The following MFAP2 variants were observed in gnomAD, a reference collection of about 807,000 sequenced individuals.
The protein encoded by MFAP2 is microfibrillar-associated protein 2.
A neutral mutation model predicts 30.6 loss-of-function variants in MFAP2; 23 were observed. That is an observed-to-expected ratio of 0.75 (90% CI 0.54 to 1.07). The LOEUF (loss-of-function observed/expected upper bound fraction) is 1.07. MFAP2 is among the 50% of genes least tolerant of loss of function. The pLI is 0.00. For synonymous variants in MFAP2, 73 were observed against 85.7 expected (o/e 0.85, Z 0.82); for missense variants, 198 against 223.8 (o/e 0.88, Z 0.74).
At chr1:16,981,498 C>CACCCGTGAAT (rs1553163355), upstream of MFAP2, among the ~76,000 whole-genome samples, 1 of 152,236 alleles carries the variant, frequency 6.6e-6, no homozygotes, top group Non-Finnish European at 1.5e-5. Context: ...ATCCAGCACC[C>CACCCGTGAAT]ACCCGTGAAT....
In MFAP2 at chr1:16,976,385, T is replaced by A; in HGVS notation, c.286+116A>T. 7.4e-7 allele frequency: 1 copy of A among 1,359,974 alleles called. No individual in the cohort carries two copies. Among genetic ancestry groups the A allele is most frequent in the Non-Finnish European group, 1.0e-6 (1 of 952,476 alleles). The allele number at this position is 1,359,974 out of a possible 1,614,324, so 84.2% of individuals were successfully genotyped here. A position where few individuals can be genotyped will look rare whatever the true frequency, so the allele number is the denominator to read the frequency against. On this transcript the variant is annotated intron_variant, in intron 6 of 8. Coordinates refer to ENST00000375535, the MANE Select transcript of MFAP2 (RefSeq NM_002403.4). The surrounding 1 kb of genome is among the most constrained non-coding windows in gnomAD (Gnocchi z 5.5). ...CCTACGGCAGTCATACTGCCCACAC[T>A]GCCAAGAGCCCACATGGGCAAGGGC...
Position 16,976,023 on chromosome 1 carries a change from C to G in MFAP2, c.287-293G>C. On this transcript the variant is annotated intron_variant, in intron 6 of 8. Transcript: ENST00000375535. The surrounding 1 kb of genome is among the most constrained non-coding windows in gnomAD (Gnocchi z 5.5). The stretch of plus-strand genomic sequence containing the variant: ...CCATACCAACTCCCGAGCAGACGTG[C>G]CCACGCTCACAGAAGCCCACATAGG... 2.1e-6 allele frequency: 1 copy of G among 479,056 alleles called. No individual in the cohort carries two copies. Among genetic ancestry groups the G allele is most frequent in the Non-Finnish European group, 3.8e-6 (1 of 265,152 alleles). 29.7% of individuals were successfully genotyped at this position (479,056 alleles called of 1,614,324 possible).
chr1:16,975,901 G>A lies in MFAP2; in HGVS notation c.287-171C>T, dbSNP rs572335180. On this transcript the variant is annotated intron_variant, in intron 6 of 8. Transcript: ENST00000375535. The surrounding 1 kb of genome is among the most constrained non-coding windows in gnomAD (Gnocchi z 5.0). Reference sequence around the variant, plus strand: ...CCACGCAGCATTGTCAGACTTCCCAGGGCTGTAATATTCACGTATCAATTC... The same window carrying A: ...CCACGCAGCATTGTCAGACTTCCCAAGGCTGTAATATTCACGTATCAATTC... 3.9e-5 allele frequency among the ~76,000 whole-genome samples: 6 copies of A among 152,144 alleles called. No individual in the cohort carries two copies. The East Asian group carries it at 1.2e-3, about 29-fold the overall frequency.
chr1:16,976,115 T>C lies in MFAP2; in HGVS notation c.287-385A>G, dbSNP rs913885622. The stretch of plus-strand genomic sequence containing the variant: ...TCCTGCACACACACACCTTGTTCTT[T>C]CAAGCTCTCAGCTAGGGCAGCCGGA... On this transcript the variant is annotated intron_variant, in intron 6 of 8. Coordinates refer to ENST00000375535, the MANE Select transcript of MFAP2 (RefSeq NM_002403.4). This position sits in a 1 kb window ranked among gnomAD's most constrained non-coding sequence, Gnocchi z 5.5. 8 of 473,230 alleles carry C rather than the reference T, an allele frequency of 1.7e-5. No homozygotes were observed. The highest frequency in any genetic ancestry group is 1.2e-4 in the African/African-American group (6 of 51,228). 29.3% of individuals were successfully genotyped at this position (473,230 alleles called of 1,614,324 possible).
Position 16,975,784 on chromosome 1 carries a change from C to T in MFAP2, c.287-54G>A, listed in dbSNP as rs1461408123. ...CCCAGAGTGGGGGGCGGCCCCCAGC[C>T]TCACCCACCTGAGGCTGGCTCACAG... On this transcript the variant is annotated intron_variant, in intron 6 of 8. Coordinates refer to ENST00000375535, the MANE Select transcript of MFAP2 (RefSeq NM_002403.4). This position sits in a 1 kb window ranked among gnomAD's most constrained non-coding sequence, Gnocchi z 5.0. The T allele has an allele frequency of 1.1e-5, 17 of 1,519,746 alleles. No homozygotes were observed. The highest frequency in any genetic ancestry group is 6.9e-5 in the South Asian group (6 of 86,938). The allele number at this position is 1,519,746 out of a possible 1,614,324, so 94.1% of individuals were successfully genotyped here.
chr1:16,980,287 C>T (rs1393409444), intron 1 of MFAP2, among the ~76,000 whole-genome samples: 3 of 143,928 alleles, frequency 2.1e-5, no homozygotes, highest in Non-Finnish European at 4.6e-5. Flanking sequence ...CCCACCCCAC[C>T]CGCCACATTC....
Position 16,976,358 on chromosome 1 carries a change from A to G in MFAP2, c.286+143T>C, listed in dbSNP as rs772501295. The G allele has an allele frequency of 7.6e-6, 8 of 1,053,208 alleles. No individual in the cohort carries two copies. Among genetic ancestry groups the G allele is most frequent in the Non-Finnish European group, 1.2e-5 (8 of 689,758 alleles). 65.2% of individuals were successfully genotyped at this position (1,053,208 alleles called of 1,614,324 possible). ...GCTGCCTGGGGGGCCTGGTGATGCC[A>G]GCCTACGGCAGTCATACTGCCCACA... On this transcript the variant is annotated intron_variant, in intron 6 of 8. Coordinates refer to ENST00000375535, the MANE Select transcript of MFAP2 (RefSeq NM_002403.4). This position sits in a 1 kb window ranked among gnomAD's most constrained non-coding sequence, Gnocchi z 5.5.
Position 16,975,576 on chromosome 1 carries a change from C to T in MFAP2, c.374+67G>A. The T allele has an allele frequency of 6.7e-7, 1 of 1,502,678 alleles. No individual in the cohort carries two copies. The highest frequency in any genetic ancestry group is 1.4e-5 in the African/African-American group (1 of 72,510). 93.1% of individuals were successfully genotyped at this position (1,502,678 alleles called of 1,614,324 possible). On this transcript the variant is annotated intron_variant, in intron 7 of 8. Transcript: ENST00000375535. The surrounding 1 kb of genome is among the most constrained non-coding windows in gnomAD (Gnocchi z 5.0). ...CAACTCCCACCTTGGCGGGCCAGAG[C>T]TGTCCCCTGTGCCCTCTAGCCCCCC...
In MFAP2 at chr1:16,976,417, C is replaced by A; in HGVS notation, c.286+84G>T. The A allele has an allele frequency of 6.4e-7, 1 of 1,562,658 alleles. No individual in the cohort carries two copies. The highest frequency in any genetic ancestry group is 8.8e-7 in the Non-Finnish European group (1 of 1,133,496). ...AGCCCACATGGGCAAGGGCCAAAGACCTCCAGCCCACCAGCACCACCCCCT... is the reference window on the plus strand; with the variant it reads ...AGCCCACATGGGCAAGGGCCAAAGAACTCCAGCCCACCAGCACCACCCCCT... On this transcript the variant is annotated intron_variant, in intron 6 of 8. Transcript: ENST00000375535. This position sits in a 1 kb window ranked among gnomAD's most constrained non-coding sequence, Gnocchi z 5.5.
intron 2 of MFAP2, chr1:16,977,766 CTGAA>C: frequency 5.7e-6 from 1 of 174,222 alleles, no homozygotes; most frequent in Non-Finnish European, 1.2e-5. Flanking sequence ...CACATCGCTG[CTGAA>C]TGAATGAATG....
intron 1 of MFAP2, among the ~76,000 whole-genome samples, chr1:16,980,267 A>ACACCCC (rs1557656639): frequency 1.2e-4 from 10 of 80,296 alleles, no homozygotes; most frequent in Non-Finnish European, 1.8e-4. Context: ...TTCCCACCGG[A>ACACCCC]CCCCCCCCCC....
upstream of MFAP2, chr1:16,980,676 G>C (rs2076632405): frequency 6.6e-6 from 1 of 152,230 alleles, no homozygotes; most frequent in African/African-American, 2.4e-5. Context: ...CCCCCGACGG[G>C]GCTGGCGCCC....
In MFAP2 at chr1:16,975,746, G is replaced by A. The variant is rs1247311405; in HGVS notation, c.287-16C>T. ...TCACGGCAGTCTGGTGACAGGTGGG[G>A]TCAGACTAGGAGCCCAGAGTGGGGG... On this transcript the variant is annotated splice_polypyrimidine_tract_variant and intron_variant, in intron 6 of 8. Coordinates refer to ENST00000375535, the MANE Select transcript of MFAP2 (RefSeq NM_002403.4). The surrounding 1 kb of genome is among the most constrained non-coding windows in gnomAD (Gnocchi z 5.0). The A allele has an allele frequency of 1.9e-6, 3 of 1,610,204 alleles. No individual in the cohort carries two copies. The highest frequency in any genetic ancestry group is 2.5e-6 in the Non-Finnish European group (3 of 1,177,570).
rs2076577902 is a variant in MFAP2, at chr1:16,975,142, T to G, written c.449-119A>C. 7.8e-7 allele frequency: 1 copy of G among 1,281,838 alleles called. No homozygotes were observed. Among genetic ancestry groups the G allele is most frequent in the Non-Finnish European group, 1.1e-6 (1 of 902,042 alleles). The allele number at this position is 1,281,838 out of a possible 1,614,324, so 79.4% of individuals were successfully genotyped here. A position where few individuals can be genotyped will look rare whatever the true frequency, so the allele number is the denominator to read the frequency against. On this transcript the variant is annotated intron_variant, in intron 8 of 8. Coordinates refer to ENST00000375535, the MANE Select transcript of MFAP2 (RefSeq NM_002403.4). This position sits in a 1 kb window ranked among gnomAD's most constrained non-coding sequence, Gnocchi z 5.0. ...GATGAAAAGTAGCAAGGAGGGGAGC[T>G]CAGGGTGTCCTGGAAGTGGGCCTGG... is the stretch of plus-strand genomic sequence containing the variant.
At position 16,977,113 on chromosome 1, in the gene MFAP2, C is replaced by G; in HGVS notation, c.123G>C (p.Gln41His). 1 of 1,613,910 alleles carries G rather than the reference C, an allele frequency of 6.2e-7. No individual in the cohort carries two copies. The highest frequency in any genetic ancestry group is 8.5e-7 in the Non-Finnish European group (1 of 1,179,994). Residue 41 changes from glutamine (Q) to histidine (H), a missense_variant, in exon 3 of 9, where the codon CAG becomes CAC. By Grantham distance (24) the Gln-to-His change is conservative. Transcript: ENST00000375535. ...GTGACCCGGCAAGGCCCTTACCGAT[C>G]TGGTCGCTATAGTGGGTGTACTGGA... ...DHVQYTHYSD[Q>H]IDNPDYYDYQ...
chr1:16,980,335 G>A (rs1354709253), intron 1 of MFAP2, among the ~76,000 whole-genome samples: 1 of 106,146 alleles, frequency 9.4e-6, no homozygotes, highest in Admixed American at 1.2e-4. Context: ...CCCATCCCCC[G>A]ACGACCTCAC....
rs781069736 is a variant in MFAP2, at chr1:16,976,948, TTGG to T, written c.128-28_128-26del. 2 of 1,613,988 alleles carry T rather than the reference TTGG, an allele frequency of 1.2e-6. No homozygotes were observed. ...TCTGCAAACAAAGATGAAAGTGGAA[TTGG>T]TGGGAGTAAGGCTAATCCCCCAGCC... On this transcript the variant is annotated intron_variant, in intron 3 of 8. Transcript: ENST00000375535. The surrounding 1 kb of genome is among the most constrained non-coding windows in gnomAD (Gnocchi z 5.5).
At chr1:16,977,389 C>T (rs2076602351) in intron 2 of MFAP2, 191 bp from the exon 3 acceptor site, 1 of 599,368 alleles carries the variant, frequency 1.7e-6, no homozygotes, top group Non-Finnish European at 2.9e-6. Context: ...CATGGGTCAC[C>T]TCCCTGACCT....
At chr1:16,980,277 C>A (rs12562940) in intron 1 of MFAP2, among the ~76,000 whole-genome samples, 1 of 135,980 alleles carries the variant, frequency 7.4e-6, no homozygotes, top group Non-Finnish European at 1.6e-5. Context: ...ACCCCCCCCC[C>A]CCACCCCACC....
Sources: gnomAD v4.1 joint callset for allele counts (sites outside exome capture counted in the v4.1 genomes callset) on GRCh38, gnomAD v4.1.1 for gene constraint, Gnocchi (gnomAD v3.1) non-coding constraint, MANE v1.5 for transcripts, NCBI Gene and HGNC (gene_info 2026-07-23, HGNC 2026-07-21) for gene names.